The following GRM1 variants were observed in gnomAD, a reference collection of about 807,000 sequenced individuals.
The protein encoded by GRM1 is metabotropic glutamate receptor 1.
A neutral mutation model predicts 90.9 loss-of-function variants in GRM1; 33 were observed. The observed-to-expected ratio is 0.36, with a 90% CI of 0.28 to 0.49. The LOEUF is 0.49. Among genes scored for constraint, GRM1 ranks in the 20% least tolerant of loss-of-function variants. GRM1 has a pLI of 0.99. For missense variants in GRM1, 1,190 were observed against 1,534.3 expected, an observed-to-expected ratio of 0.78 and a Z score of 3.75; for synonymous variants, 700 against 613.2, an observed-to-expected ratio of 1.14 and a Z score of -2.09.
rs72225459 is a variant in GRM1 at position 146,159,604 on chromosome 6, TTCTCTCTCTCTCTCTCTCTC to T, written c.950+26_950+45del. Reference sequence around the variant, plus strand: ...AGTTCTCACTCATTGGAAGGTAAGTTTCTCTCTCTCTCTCTCTCTCTCTCTCTCTCTCTCTCTCACACACA... The same window carrying T: ...AGTTCTCACTCATTGGAAGGTAAGTTTCTCTCTCTCTCTCTCTCACACACA... On this transcript the variant is annotated splice_region_variant and intron_variant, in intron 2 of 7. Coordinates refer to ENST00000282753, the MANE Select transcript of GRM1 (RefSeq NM_001278064.2). 47 of 1,211,348 alleles carry T rather than the reference TTCTCTCTCTCTCTCTCTCTC, an allele frequency of 3.9e-5. No homozygotes were observed. Among genetic ancestry groups the T allele is most frequent in the Middle Eastern group, 5.3e-4 (2 of 3,752 alleles). 75.0% of individuals were successfully genotyped at this position (1,211,348 alleles called of 1,614,324 possible). A position where few individuals can be genotyped will look rare whatever the true frequency, so the allele number is the denominator to read the frequency against.
At chr6:146,059,412 T>G (rs1435282869) in intron 1 of GRM1, among the ~76,000 whole-genome samples, 1 of 152,092 alleles carries the variant, frequency 6.6e-6, no homozygotes, top group African/African-American at 2.4e-5. Flanking sequence ...AAATATTCAG[T>G]AAACCATGCT....
chr6:146,343,401 G>A (rs765854546), intron 3 of GRM1, among the ~76,000 whole-genome samples: 14 of 152,112 alleles, frequency 9.2e-5, no homozygotes, highest in Non-Finnish European at 1.5e-4. Context: ...GTTTCACCTT[G>A]CTGAGAACAG....
chr6:146,186,149 A>C (rs1460797943), intron 2 of GRM1, among the ~76,000 whole-genome samples: 2 of 113,628 alleles, frequency 1.8e-5, no homozygotes, highest in African/African-American at 6.5e-5. Context: ...TATTATTATT[A>C]TGTTTTTTAG....
intron 1 of GRM1, among the ~76,000 whole-genome samples, chr6:146,079,695 C>T (rs1230702569): frequency 6.6e-6 from 1 of 152,082 alleles, no homozygotes; most frequent in Non-Finnish European, 1.5e-5. Flanking sequence ...CTTTTTCTTC[C>T]TAAGCAGTCA....
intron 2 of GRM1, among the ~76,000 whole-genome samples, chr6:146,260,428 T>A (rs1309188312): frequency 6.6e-6 from 1 of 152,154 alleles, no homozygotes; most frequent in Admixed American, 6.5e-5. Context: ...TGGTTCCAAG[T>A]CTTTGCTATT....
rs1474428521 is a variant in GRM1, at chr6:146,029,988, G to C, written c.471G>C (p.Ala157=). ...CAGGCAGGACTAAGAAGCCCATTGCGGGAGTGATCGGTCCCGGCTCCAGCT... is the reference window on the plus strand; with the variant it reads ...CAGGCAGGACTAAGAAGCCCATTGCCGGAGTGATCGGTCCCGGCTCCAGCT... ...LPPGRTKKPI[A]GVIGPGSSSV... The change falls in exon 1 of 8, where the codon GCG becomes GCC. Residue 157 remains alanine (A), a synonymous_variant. Transcript: ENST00000282753. 6.2e-7 allele frequency: 1 copy of C among 1,614,152 alleles called. No individual in the cohort carries two copies. Among genetic ancestry groups the C allele is most frequent in the Non-Finnish European group, 8.5e-7 (1 of 1,180,020 alleles).
chr6:146,292,978 A>G (rs546362767), intron 2 of GRM1, among the ~76,000 whole-genome samples: 23 of 152,156 alleles, frequency 1.5e-4, no homozygotes, highest in African/African-American at 5.5e-4. Context: ...AAATGGATAA[A>G]TCTCTAAAAC....
intron 1 of GRM1, among the ~76,000 whole-genome samples, chr6:146,081,504 G>T (rs1481353629): frequency 6.6e-6 from 1 of 152,146 alleles, no homozygotes; most frequent in African/African-American, 2.4e-5. Flanking sequence ...GTCACGGCAA[G>T]AGTGGAAGCA....
intron 2 of GRM1, among the ~76,000 whole-genome samples, chr6:146,164,237 A>G (rs1777833698): frequency 6.6e-6 from 1 of 152,182 alleles, no homozygotes; most frequent in African/African-American, 2.4e-5. Context: ...CTTGAAAAGC[A>G]GAGAAGTTCA....
intron 1 of GRM1, among the ~76,000 whole-genome samples, chr6:146,122,844 T>TTTTTTTTTTTTTTTTTTTTTA: frequency 7.3e-6 from 1 of 136,648 alleles, no homozygotes; most frequent in Non-Finnish European, 1.6e-5. Context: ...TCTTTCTTTT[T>TTTTTTTTTTTTTTTTTTTTTA]TTTTTTTTTT....
intron 1 of GRM1, among the ~76,000 whole-genome samples, chr6:146,124,288 G>A (rs1776112124): frequency 6.6e-6 from 1 of 152,106 alleles, no homozygotes; most frequent in Non-Finnish European, 1.5e-5. Context: ...AAACTACTAA[G>A]TTTTATGGTT....
At chr6:146,175,924 T>C (rs1324123242) in intron 2 of GRM1, among the ~76,000 whole-genome samples, 1 of 152,164 alleles carries the variant, frequency 6.6e-6, no homozygotes, top group Non-Finnish European at 1.5e-5. Flanking sequence ...TAGGCCATTG[T>C]GGTTTTGGGG....
At chr6:146,040,456 G>T (rs1445476481) in intron 1 of GRM1, among the ~76,000 whole-genome samples, 1 of 151,980 alleles carries the variant, frequency 6.6e-6, no homozygotes, top group Non-Finnish European at 1.5e-5. Context: ...AAAGGTCTGG[G>T]GGTGATGAAT....
intron 1 of GRM1, among the ~76,000 whole-genome samples, chr6:146,112,287 A>G (rs1775588631): frequency 6.6e-6 from 1 of 152,072 alleles, no homozygotes; most frequent in Non-Finnish European, 1.5e-5. Flanking sequence ...TCTAAAAAAA[A>G]AAAAAGAACA....
intron 3 of GRM1, among the ~76,000 whole-genome samples, chr6:146,326,067 T>C (rs1261153154): frequency 6.6e-6 from 1 of 152,194 alleles, no homozygotes; most frequent in East Asian, 1.9e-4. Context: ...GTCAGAGAAG[T>C]GGTCATAAGC....
intron 7 of GRM1, among the ~76,000 whole-genome samples, chr6:146,417,891 T>G (rs927958936): frequency 4.6e-5 from 7 of 152,160 alleles, no homozygotes; most frequent in Admixed American, 4.6e-4. Flanking sequence ...ACTTTGGAAG[T>G]TTGTCATCTA....
intron 1 of GRM1, among the ~76,000 whole-genome samples, chr6:146,099,713 T>C (rs917551148): frequency 1.3e-5 from 2 of 152,260 alleles, no homozygotes; most frequent in African/African-American, 4.8e-5. Flanking sequence ...ATTCATGCTG[T>C]TGTATGTGAC....
At chr6:146,259,061 A>G (rs978156647) in intron 2 of GRM1, among the ~76,000 whole-genome samples, 50 of 152,286 alleles carry the variant, frequency 3.3e-4, no homozygotes, top group African/African-American at 1.1e-3. Context: ...CTAAGCTTCC[A>G]TGAGCTGTCT....
chr6:146,406,170 G>A (rs761804881), intron 7 of GRM1, among the ~76,000 whole-genome samples: 14 of 152,124 alleles, frequency 9.2e-5, no homozygotes, highest in South Asian at 4.1e-4. Context: ...GGTGTGTGCC[G>A]GGAGGCCTGG....
Sources: allele counts gnomAD v4.1 joint callset (sites outside exome capture counted in the v4.1 genomes callset), GRCh38; gene constraint gnomAD v4.1.1; transcripts MANE v1.5; gene names NCBI Gene and HGNC (gene_info 2026-07-23, HGNC 2026-07-21).